HOMER1: variants seen among roughly 807,000 people sequenced by gnomAD.
HOMER1 encodes homer scaffold protein 1, also known as homer protein homolog 1.
HOMER1 carries 3 observed loss-of-function variants against 48.9 expected under a neutral mutation model. The ratio of observed to expected loss-of-function variants is 0.06; its 90% confidence interval spans 0.03 to 0.16. HOMER1 has a LOEUF of 0.16. HOMER1 is among the 10% of genes least tolerant of loss of function. The pLI is 1.00. For missense variants in HOMER1, 247 were observed against 411.4 expected, an observed-to-expected ratio of 0.60 and a Z score of 3.46; for synonymous variants, 134 against 146.4, an observed-to-expected ratio of 0.92 and a Z score of 0.61.
At chr5:79,466,208 A>G (rs1751459948) in intron 1 of HOMER1, among the ~76,000 whole-genome samples, 1 of 152,038 alleles carries the variant, frequency 6.6e-6, no homozygotes, top group Non-Finnish European at 1.5e-5. Flanking sequence ...TATGCCTGAT[A>G]GATCACATTT....
At chr5:79,487,461 GA>G (rs1196005308) in intron 1 of HOMER1, among the ~76,000 whole-genome samples, 4 of 151,998 alleles carry the variant, frequency 2.6e-5, no homozygotes, top group Non-Finnish European at 4.4e-5. Context: ...AGCTTGGGAG[GA>G]AAAAAAGTAA....
intron 5 of HOMER1, among the ~76,000 whole-genome samples, chr5:79,436,846 T>C (rs1386504579): frequency 1.3e-5 from 2 of 152,204 alleles, no homozygotes; most frequent in Non-Finnish European, 2.9e-5. Flanking sequence ...TTAATACTGA[T>C]TAATGTAAAA....
At chr5:79,392,690 T>C (rs1178986864) in intron 8 of HOMER1, among the ~76,000 whole-genome samples, 1 of 152,194 alleles carries the variant, frequency 6.6e-6, no homozygotes, top group Non-Finnish European at 1.5e-5. Flanking sequence ...TACAGCAGTG[T>C]ATGGTAATAT....
At chr5:79,399,926 T>C (rs1410176420) in intron 6 of HOMER1, among the ~76,000 whole-genome samples, 1 of 152,140 alleles carries the variant, frequency 6.6e-6, no homozygotes, top group Non-Finnish European at 1.5e-5. Context: ...AGAAGCACAA[T>C]GGAAACTGAA....
chr5:79,488,705 T>C (rs1280273699), intron 1 of HOMER1, among the ~76,000 whole-genome samples: 1 of 152,232 alleles, frequency 6.6e-6, no homozygotes, highest in Non-Finnish European at 1.5e-5. Context: ...AGAAAATAAA[T>C]TTCTAACAAT....
rs147703580 is a variant in HOMER1, at chr5:79,485,954, G to A, written c.5+26816C>T. Among the ~76,000 whole-genome samples the A allele has an allele frequency of 7.0e-3, 1,059 of 152,164 alleles. 13 individuals are homozygous for A. Among genetic ancestry groups the A allele is most frequent in the Middle Eastern group, 0.02 (6 of 294 alleles). On this transcript the variant is annotated intron_variant, in intron 1 of 8. Transcript: ENST00000334082. ...GTGACTGCCTGAACCAAAATAATGA[G>A]GCAAAAGTAACACTGTGTACTTCTT...
intron 1 of HOMER1, among the ~76,000 whole-genome samples, chr5:79,499,146 T>C (rs1752505041): frequency 6.6e-6 from 1 of 152,138 alleles, no homozygotes; most frequent in Non-Finnish European, 1.5e-5. Context: ...GTCTCCACTT[T>C]TAAGCTCCAG....
At chr5:79,401,767 C>T in intron 6 of HOMER1, 132 bp downstream of exon 6, 1 of 818,120 alleles carries the variant, frequency 1.2e-6, no homozygotes, top group Non-Finnish European at 1.9e-6. Context: ...AAATGCATAT[C>T]ATACAACCCA....
Position 79,439,134 on chromosome 5 carries a change from C to A in HOMER1, c.403G>T (p.Asp135Tyr). The stretch of plus-strand genomic sequence containing the variant: ...TCCGGTGTTAAAGGAGACTGAAGAT[C>A]CCCGCCTGCGGATTCCTTTAAAAAA... ...STPSQESAGG[D>Y]LQSPLTPESI... is the part of the protein sequence containing the mutation. The change falls in exon 5 of 9, where the codon GAT (aspartate) becomes TAT (tyrosine). Residue 135 changes from aspartate (D) to tyrosine (Y), a missense_variant. Asp to Tyr is a radical substitution (Grantham distance 160). Coordinates refer to ENST00000334082, the MANE Select transcript of HOMER1 (RefSeq NM_004272.5). 2 of 1,613,896 alleles carry A rather than the reference C, an allele frequency of 1.2e-6. No individual in the cohort carries two copies. The highest frequency in any genetic ancestry group is 1.7e-6 in the Non-Finnish European group (2 of 1,179,934).
chr5:79,434,030 A>G (rs1337477831), intron 5 of HOMER1, among the ~76,000 whole-genome samples: 1 of 152,194 alleles, frequency 6.6e-6, no homozygotes, highest in African/African-American at 2.4e-5. Flanking sequence ...TAAACATTAG[A>G]AGAATCTAAA....
chr5:79,502,347 A>AT (rs960578405), intron 1 of HOMER1, among the ~76,000 whole-genome samples: 12 of 151,854 alleles, frequency 7.9e-5, no homozygotes, highest in African/African-American at 1.9e-4. Flanking sequence ...TGTAATAAAT[A>AT]TTTTTTTTAA....
chr5:79,433,318 T>TG (rs1016910943), intron 5 of HOMER1, among the ~76,000 whole-genome samples: 88 of 152,224 alleles, frequency 5.8e-4, no homozygotes, highest in African/African-American at 2.0e-3. Context: ...TCATCTCCTT[T>TG]GGGGGGCCGA....
At chr5:79,403,915 ATTAAC>A (rs1478299020) in intron 5 of HOMER1, among the ~76,000 whole-genome samples, 3 of 152,238 alleles carry the variant, frequency 2.0e-5, no homozygotes, top group Non-Finnish European at 4.4e-5. Context: ...AAGCTAAGCT[ATTAAC>A]TTAACAATCC....
intron 5 of HOMER1, 72 bp from the exon 6 acceptor site, chr5:79,402,127 A>C: frequency 4.8e-6 from 6 of 1,262,192 alleles, no homozygotes; most frequent in Non-Finnish European, 6.7e-6. Flanking sequence ...AGCAAGACTC[A>C]GTTCTATTGT....
At chr5:79,389,486 C>T (rs1267503986) in intron 8 of HOMER1, among the ~76,000 whole-genome samples, 2 of 152,126 alleles carry the variant, frequency 1.3e-5, no homozygotes, top group South Asian at 4.2e-4. Flanking sequence ...AGAAGTGGAG[C>T]CTTTAAGAGA....
At chr5:79,480,574 T>G (rs988000107) in intron 1 of HOMER1, among the ~76,000 whole-genome samples, 11 of 152,242 alleles carry the variant, frequency 7.2e-5, no homozygotes, top group African/African-American at 2.7e-4. Context: ...AGTGTCATGC[T>G]GGCAAAATAC....
intron 4 of HOMER1, among the ~76,000 whole-genome samples, chr5:79,444,546 A>C (rs949654416): frequency 5.3e-5 from 8 of 152,324 alleles, no homozygotes; most frequent in African/African-American, 1.9e-4. Context: ...TCTTTTATAT[A>C]TTCCTTTAAT....
intron 5 of HOMER1, among the ~76,000 whole-genome samples, chr5:79,432,870 T>C (rs1054797090): frequency 5.3e-5 from 8 of 152,332 alleles, no homozygotes; most frequent in African/African-American, 1.9e-4. Flanking sequence ...CTCTAAATTG[T>C]TAAGTTATGA....
At chr5:79,455,769 A>ACT (rs1431227074) in intron 2 of HOMER1, among the ~76,000 whole-genome samples, 4 of 152,336 alleles carry the variant, frequency 2.6e-5, no homozygotes, top group Non-Finnish European at 5.9e-5. Flanking sequence ...TGAAGACCTC[A>ACT]TCTTTCTACA....
Sources: gnomAD v4.1 joint callset for allele counts (sites outside exome capture counted in the v4.1 genomes callset) on GRCh38, gnomAD v4.1.1 for gene constraint, MANE v1.5 for transcripts, NCBI Gene and HGNC (gene_info 2026-07-23, HGNC 2026-07-21) for gene names.